The following SLC9B1 variants were observed in gnomAD, a reference collection of about 807,000 sequenced individuals.
The protein encoded by SLC9B1 is solute carrier family 9 member B1.
SLC9B1 carries 32 observed loss-of-function variants against 51.7 expected under a neutral mutation model. The observed-to-expected ratio is 0.62, with a 90% CI of 0.47 to 0.83. The LOEUF (loss-of-function observed/expected upper bound fraction) is 0.83, where lower values mean the gene tolerates loss of function less well. Among genes scored for constraint, SLC9B1 ranks in the 40% least tolerant of loss-of-function variants. The pLI is 0.00. For synonymous variants in SLC9B1, 145 were observed against 212.7 expected, an observed-to-expected ratio of 0.68 and a Z score of 2.77; for missense variants, 406 against 613.2, an observed-to-expected ratio of 0.66 and a Z score of 3.57.
intron 3 of SLC9B1, among the ~76,000 whole-genome samples, chr4:102,968,751 A>G (rs1738569331): frequency 6.6e-6 from 1 of 152,222 alleles, no homozygotes; most frequent in African/African-American, 2.4e-5. Context: ...GAAGCAGCAC[A>G]AGGGGTCGGG....
chr4:102,922,590 A>T (rs1735936131), intron 7 of SLC9B1, among the ~76,000 whole-genome samples: 1 of 151,972 alleles, frequency 6.6e-6, no homozygotes, highest in African/African-American at 2.4e-5. Flanking sequence ...GACACAAAAA[A>T]CCCTTCAAAA....
chr4:102,939,458 C>A (rs1292219951), intron 6 of SLC9B1, among the ~76,000 whole-genome samples: 2 of 126,614 alleles, frequency 1.6e-5, no homozygotes, highest in African/African-American at 6.1e-5. Context: ...GATTCACAGA[C>A]AAATTCTACC....
At chr4:102,972,140 A>G (rs1738797315) in intron 3 of SLC9B1, among the ~76,000 whole-genome samples, 1 of 152,246 alleles carries the variant, frequency 6.6e-6, no homozygotes, top group Non-Finnish European at 1.5e-5. Context: ...ACCACATTTT[A>G]TGAGGCCAGC....
intron 1 of SLC9B1, among the ~76,000 whole-genome samples, chr4:103,002,591 A>C (rs1740583812): frequency 1.3e-5 from 2 of 152,254 alleles, no homozygotes; most frequent in Admixed American, 1.3e-4. Flanking sequence ...AAAGAGTCTT[A>C]AGAAAAACTT....
intron 2 of SLC9B1, among the ~76,000 whole-genome samples, chr4:102,990,529 G>A (rs560622819): frequency 6.6e-6 from 1 of 151,848 alleles, no homozygotes; most frequent in Admixed American, 6.6e-5. Flanking sequence ...GGAATCTTTG[G>A]TTTGTGAGAA....
intron 6 of SLC9B1, among the ~76,000 whole-genome samples, chr4:102,934,794 T>C (rs2110461836): frequency 6.8e-6 from 1 of 147,924 alleles, no homozygotes; most frequent in Non-Finnish European, 1.5e-5. Flanking sequence ...TGTAGAATAA[T>C]ATATTTGTGA....
At position 102,946,655 on chromosome 4, in the gene SLC9B1, C is replaced by T. The variant is rs377275822; in HGVS notation, c.517G>A (p.Asp173Asn). Residue 173 changes from aspartate to asparagine, a missense_variant, in exon 5 of 12, where the codon GAT (aspartate) becomes AAT (asparagine). Asp to Asn is a conservative substitution (Grantham distance 23). This residue lies in a region of SLC9B1 where 250 missense variants were observed against 394.1 expected (regional missense o/e 0.63). Transcript: ENST00000296422. ...TGTAATTGTAAATCTACCTGTGGAT[C>T]GAGTCCAAGCCCAGCTCTTATTAGA... ...IILIRAGLGL[D>N]PQALRHLKVV... The T allele has an allele frequency of 4.4e-6, 7 of 1,604,804 alleles. No individual in the cohort carries two copies. Among genetic ancestry groups the T allele is most frequent in the East Asian group, 2.2e-5 (1 of 44,610 alleles).
chr4:102,934,150 A>G (rs1266183812), intron 6 of SLC9B1, among the ~76,000 whole-genome samples: 3 of 152,252 alleles, frequency 2.0e-5, no homozygotes, highest in Non-Finnish European at 4.4e-5. Flanking sequence ...CTTTGCAGGG[A>G]TTTTTACTGA....
intron 1 of SLC9B1, among the ~76,000 whole-genome samples, chr4:103,008,860 C>T (rs867661238): frequency 1.5e-5 from 2 of 129,796 alleles, no homozygotes; most frequent in African/African-American, 6.1e-5. Context: ...AGTGCAGTGG[C>T]GCAATCTCGA....
intron 3 of SLC9B1, among the ~76,000 whole-genome samples, chr4:102,985,802 G>A (rs1406881191): frequency 2.0e-5 from 3 of 152,080 alleles, no homozygotes; most frequent in African/African-American, 7.2e-5. Flanking sequence ...TGGGATTACA[G>A]GTGTGAGCCA....
At chr4:102,948,095 T>A (rs1578371317) in intron 4 of SLC9B1, among the ~76,000 whole-genome samples, 2 of 151,938 alleles carry the variant, frequency 1.3e-5, no homozygotes, top group African/African-American at 2.4e-5. Context: ...TGGCTGAGAG[T>A]TTTCATATCA....
chr4:102,919,638 G>A (rs1735762488), intron 7 of SLC9B1, among the ~76,000 whole-genome samples: 1 of 152,216 alleles, frequency 6.6e-6, no homozygotes, highest in African/African-American at 2.4e-5. Context: ...GGGGTTGGGG[G>A]ATTTCCCTTT....
chr4:103,003,704 G>A (rs1413419965), intron 1 of SLC9B1, among the ~76,000 whole-genome samples: 2 of 152,094 alleles, frequency 1.3e-5, no homozygotes, highest in Non-Finnish European at 2.9e-5. Flanking sequence ...TTGGAGTACT[G>A]TGGCAGTGGA....
chr4:102,904,482 C>G (rs1054438251), intron 11 of SLC9B1, among the ~76,000 whole-genome samples: 1 of 151,808 alleles, frequency 6.6e-6, no homozygotes, highest in Non-Finnish European at 1.5e-5. Context: ...TTTTCATAAA[C>G]TTAGGAAGTA....
At chr4:102,885,593 C>T (rs1346706482) in intron 11 of SLC9B1, among the ~76,000 whole-genome samples, 1 of 152,134 alleles carries the variant, frequency 6.6e-6, no homozygotes, top group African/African-American at 2.4e-5. Context: ...ATGATAGATA[C>T]TACCTACATT....
intron 11 of SLC9B1, chr4:102,889,022 T>C (rs568722495): frequency 6.6e-6 from 1 of 152,236 alleles, no homozygotes; most frequent in African/African-American, 2.4e-5. Context: ...TATTGGGCAC[T>C]TGTATGTACC....
intron 7 of SLC9B1, among the ~76,000 whole-genome samples, chr4:102,923,145 T>C (rs189904297): frequency 7.0e-4 from 107 of 152,280 alleles, no homozygotes; most frequent in Admixed American, 1.8e-3. Context: ...CCTATGAACA[T>C]TGATACAAAA....
At chr4:102,989,701 G>T in intron 3 of SLC9B1, 99 bp downstream of exon 3, 1 of 719,940 alleles carries the variant, frequency 1.4e-6, no homozygotes, top group Non-Finnish European at 2.2e-6. Context: ...ATCTGATCTG[G>T]AGTATATTGA....
At chr4:102,945,587 C>G (rs1737228266) in intron 5 of SLC9B1, among the ~76,000 whole-genome samples, 1 of 151,998 alleles carries the variant, frequency 6.6e-6, no homozygotes, top group South Asian at 2.1e-4. Context: ...ATAGCTAATG[C>G]TACCTTCCTG....
Sources: gnomAD v4.1 joint callset for allele counts (sites outside exome capture counted in the v4.1 genomes callset) on GRCh38, gnomAD v4.1.1 for gene constraint, gnomAD v4.1.1 regional missense constraint, MANE v1.5 for transcripts, NCBI Gene and HGNC (gene_info 2026-07-23, HGNC 2026-07-21) for gene names.